The following LXN variants were observed in gnomAD, a reference collection of about 807,000 sequenced individuals.
LXN encodes the protein MUM.
In LXN, 28 loss-of-function variants were observed where a neutral mutation model predicts 29.8. The observed-to-expected ratio is 0.94, with a 90% CI of 0.70 to 1.29. The LOEUF is 1.29. Among genes scored for constraint, LXN ranks in the 50% most tolerant of loss-of-function variants. LXN has a pLI of 0.00. For missense variants in LXN, 227 were observed against 261.7 expected, an observed-to-expected ratio of 0.87 and a Z score of 0.92; for synonymous variants, 77 against 89.6, an observed-to-expected ratio of 0.86 and a Z score of 0.80.
At chr3:158,667,853 G>A (rs1454262514) in intron 4 of LXN, among the ~76,000 whole-genome samples, 2 of 152,190 alleles carry the variant, frequency 1.3e-5, no homozygotes, top group Non-Finnish European at 2.9e-5. Flanking sequence ...GAGTGTAGTT[G>A]TGTGATTGTG....
chr3:158,669,292 T>C lies in LXN; in HGVS notation c.370+141A>G, dbSNP rs564078688. ...AAAATTTCTGAGGCCTCTTTTTTGT[T>C]GGATTGGATTAGAAATGAGTATTTT... On this transcript the variant is annotated intron_variant, in intron 3 of 5. Transcript: ENST00000264265. The C allele has an allele frequency of 3.7e-3, 4,354 of 1,183,442 alleles. 9 individuals are homozygous for C. Among genetic ancestry groups the C allele is most frequent in the Non-Finnish European group, 4.8e-3 (4,100 of 854,548 alleles). The allele number at this position is 1,183,442 out of a possible 1,614,324, so 73.3% of individuals were successfully genotyped here.
Position 158,666,687 on chromosome 3 carries a change from T to G in LXN, c.628A>C (p.Lys210Gln), listed in dbSNP as rs1453936304. Residue 210 changes from lysine to glutamine, a missense_variant, in exon 6 of 6, where the codon AAA becomes CAA. Physicochemically the swap from Lys to Gln is moderately conservative, Grantham distance 53 (BLOSUM62 1). Coordinates refer to ENST00000264265, the MANE Select transcript of LXN (RefSeq NM_020169.4). ...TCCTTTGGCAGACGGCTATTATGTT[T>G]TACTTTAGTGCCGTATTGTGGATGC... ...LWHPQYGTKVKHNSRLPKEVQ... is the reference protein window; with the variant it reads ...LWHPQYGTKVQHNSRLPKEVQ... 1 of 1,614,098 alleles carries G rather than the reference T, an allele frequency of 6.2e-7. No individual in the cohort carries two copies. Among genetic ancestry groups the G allele is most frequent in the Non-Finnish European group, 8.5e-7 (1 of 1,179,982 alleles).
chr3:158,671,865 TTTGA>T (rs1724353054), intron 1 of LXN, among the ~76,000 whole-genome samples: 3 of 152,362 alleles, frequency 2.0e-5, no homozygotes, highest in African/African-American at 4.8e-5. Context: ...ATTCTTTGAC[TTTGA>T]TTGTCAGTTT....
At chr3:158,668,975 T>C in intron 4 of LXN, 21 bp downstream of exon 4, 3 of 1,572,014 alleles carry the variant, frequency 1.9e-6, no homozygotes, top group Non-Finnish European at 2.6e-6. Context: ...ATTAATAGTG[T>C]ATTTTATAGA....
At chr3:158,669,637 T>G (rs765727382) in intron 2 of LXN, 27 bp from the exon 3 acceptor site, 2 of 1,595,730 alleles carry the variant, frequency 1.3e-6, no homozygotes, top group Non-Finnish European at 1.7e-6. Flanking sequence ...AAAATATCCT[T>G]ATATACAGAA....
chr3:158,667,753 A>G (rs1283667622), intron 4 of LXN, among the ~76,000 whole-genome samples: 1 of 152,122 alleles, frequency 6.6e-6, no homozygotes, highest in East Asian at 1.9e-4. Context: ...ACACTAATGC[A>G]CTCCAGCCTG....
Position 158,672,624 on chromosome 3 carries a change from C to T in LXN, c.-146G>A. 1.1e-6 allele frequency: 1 copy of T among 931,608 alleles called. No homozygotes were observed. The highest frequency in any genetic ancestry group is 1.6e-6 in the Non-Finnish European group (1 of 635,584). The allele number at this position is 931,608 out of a possible 1,614,324, so 57.7% of individuals were successfully genotyped here. A position where few individuals can be genotyped will look rare whatever the true frequency, so the allele number is the denominator to read the frequency against. ...TTCAGTCAGTCTTCTTCCTCAGCTC[C>T]TTCCGACTCCGGAAGCTGCTGTTTG... On this transcript the variant is annotated 5_prime_UTR_variant, in exon 1 of 6. Transcript: ENST00000264265.
At chr3:158,671,121 A>G in intron 1 of LXN, 102 bp from the exon 2 acceptor site, 5 of 1,306,228 alleles carry the variant, frequency 3.8e-6, no homozygotes, top group Non-Finnish European at 4.0e-6. Context: ...GGCTGGCTGA[A>G]GGGGAATGGT....
At chr3:158,669,364 A>T in intron 3 of LXN, 69 bp downstream of exon 3, 1 of 1,448,152 alleles carries the variant, frequency 6.9e-7, no homozygotes. Flanking sequence ...TAACAATTTT[A>T]AGCACAGATA....
At chr3:158,669,330 T>C in intron 3 of LXN, 103 bp downstream of exon 3, 2 of 1,299,812 alleles carry the variant, frequency 1.5e-6, no homozygotes, top group South Asian at 1.5e-5. Context: ...CAAAAGCCTG[T>C]AAGTTTCTAA....
intron 4 of LXN, among the ~76,000 whole-genome samples, chr3:158,667,906 CAGAT>C (rs954223389): frequency 1.6e-4 from 25 of 152,154 alleles, no homozygotes; most frequent in Admixed American, 1.3e-4. Context: ...AGGGAAAAAA[CAGAT>C]AGTTTCAGTA....
At chr3:158,670,464 G>A (rs892903565) in intron 2 of LXN, among the ~76,000 whole-genome samples, 20 of 152,168 alleles carry the variant, frequency 1.3e-4, no homozygotes, top group Admixed American at 1.1e-3. Flanking sequence ...AACTTCTTAA[G>A]AAATTCATTT....
rs1723757752 is a variant in LXN, at chr3:158,667,002, T to C, written c.570+10A>G. On this transcript the variant is annotated intron_variant, in intron 5 of 5. Transcript: ENST00000264265. ...AGAATGGCATCAAATAAAGGTAAAT[T>C]ATACTTTACCTGAGATGCTATATTA... is the stretch of plus-strand genomic sequence containing the variant. 3 of 1,594,942 alleles carry C rather than the reference T, an allele frequency of 1.9e-6. No homozygotes were observed. The highest frequency in any genetic ancestry group is 2.6e-6 in the Non-Finnish European group (3 of 1,172,638).
At chr3:158,666,868 TG>T in intron 5 of LXN, 124 bp from the exon 6 acceptor site, 1 of 1,437,022 alleles carries the variant, frequency 7.0e-7, no homozygotes, top group Admixed American at 2.4e-5. Flanking sequence ...GTTAAATTGC[TG>T]CAATTATAAT....
intron 1 of LXN, among the ~76,000 whole-genome samples, 162 bp from the exon 2 acceptor site, chr3:158,671,181 A>G (rs1724262270): frequency 6.6e-6 from 1 of 152,204 alleles, no homozygotes; most frequent in South Asian, 2.1e-4. Flanking sequence ...GTAACATCTA[A>G]TTTAGCAAGT....
rs1343920088 is a variant in LXN at position 158,666,459 on chromosome 3, T to C, written c.*187A>G. The C allele has an allele frequency of 7.7e-7, 1 of 1,300,786 alleles. No individual in the cohort carries two copies. 80.6% of individuals were successfully genotyped at this position (1,300,786 alleles called of 1,614,324 possible). A position where few individuals can be genotyped will look rare whatever the true frequency, so the allele number is the denominator to read the frequency against. ...TTTATTTTGGATATACATACCACTA[T>C]TACTGTTTTAAAGACATTTTTATGT... On this transcript the variant is annotated 3_prime_UTR_variant, in exon 6 of 6. Transcript: ENST00000264265.
chr3:158,672,227 C>A, intron 1 of LXN, 123 bp downstream of exon 1: 1 of 1,236,830 alleles, frequency 8.1e-7, no homozygotes, highest in Non-Finnish European at 1.1e-6. Flanking sequence ...AGCAGTGTGT[C>A]CTAAAACAGA....
intron 3 of LXN, 104 bp downstream of exon 3, chr3:158,669,329 G>A (rs769300251): frequency 3.9e-6 from 5 of 1,297,072 alleles, no homozygotes; most frequent in African/African-American, 1.5e-5. Context: ...GCAAAAGCCT[G>A]TAAGTTTCTA....
chr3:158,669,570 G>A lies in LXN; in HGVS notation c.233C>T (p.Ser78Leu). Residue 78 changes from serine to leucine, a missense_variant, in exon 3 of 6, where the codon TCA (serine) becomes TTA (leucine). Physicochemically the swap from Ser to Leu is moderately radical, Grantham distance 145. Coordinates refer to ENST00000264265, the MANE Select transcript of LXN (RefSeq NM_020169.4). ...VNCTAEVLYP[S>L]TGQETAPEVN... ...TTCTGGTGCAGTTTCTTGTCCCGTT[G>A]AAGGGTAAAGTACTTCAGCTGTGCA... 2 of 1,614,000 alleles carry A rather than the reference G, an allele frequency of 1.2e-6. No homozygotes were observed. Among genetic ancestry groups the A allele is most frequent in the Non-Finnish European group, 1.7e-6 (2 of 1,179,930 alleles).
Sources: gnomAD v4.1 joint callset for allele counts (sites outside exome capture counted in the v4.1 genomes callset) on GRCh38, gnomAD v4.1.1 for gene constraint, MANE v1.5 for transcripts, NCBI Gene and HGNC (gene_info 2026-07-23, HGNC 2026-07-21) for gene names.